Variants in NTF3 observed in about 807,000 individuals in gnomAD.
The protein encoded by NTF3 is neurotrophin-3.
Under a neutral mutation model 26.3 loss-of-function variants are expected in NTF3, and 8 were observed. That is an observed-to-expected ratio of 0.30 (90% CI 0.18 to 0.55). The LOEUF is 0.55. NTF3 is among the 20% of genes least tolerant of loss of function. The probability of loss-of-function intolerance (pLI) is 0.93; values close to 1 mark genes in which losing one functional copy is unlikely to be tolerated. For synonymous variants in NTF3, 154 were observed against 145.5 expected (o/e 1.06, Z -0.42); for missense variants, 276 against 352.9 (o/e 0.78, Z 1.75).
chr12:5,443,634 C>A (rs956638907), intron 1 of NTF3, among the ~76,000 whole-genome samples: 1 of 152,142 alleles, frequency 6.6e-6, no homozygotes, highest in Non-Finnish European at 1.5e-5. Context: ...ATCTAAGATT[C>A]CTTCACATTA....
intron 1 of NTF3, among the ~76,000 whole-genome samples, chr12:5,437,152 T>G (rs1170096684): frequency 1.3e-5 from 2 of 152,180 alleles, no homozygotes; most frequent in Admixed American, 6.5e-5. Flanking sequence ...GGAAACACAC[T>G]GAAACCTCCG....
upstream of NTF3, among the ~76,000 whole-genome samples, chr12:5,431,320 A>G (rs1202810091): frequency 2.0e-5 from 3 of 152,022 alleles, no homozygotes; most frequent in South Asian, 2.1e-4. Context: ...AAGTTGGAGG[A>G]TGGGTGAAAT....
At chr12:5,472,577 G>A (rs1247570858) in intron 1 of NTF3, among the ~76,000 whole-genome samples, 1 of 152,158 alleles carries the variant, frequency 6.6e-6, no homozygotes, top group Non-Finnish European at 1.5e-5. Flanking sequence ...CTGGGTCAGA[G>A]CTTCTGTTAC....
chr12:5,471,860 A>G (rs1412812679), intron 1 of NTF3, among the ~76,000 whole-genome samples: 3 of 152,022 alleles, frequency 2.0e-5, no homozygotes, highest in Admixed American at 1.3e-4. Flanking sequence ...TTGGTGGGTG[A>G]TAAAAGGGCT....
In NTF3 at chr12:5,433,626, G is replaced by A. The variant is rs562336982; in HGVS notation, c.18+1284G>A. On this transcript the variant is annotated intron_variant, in intron 1 of 1. Transcript: ENST00000423158. The surrounding 1 kb of genome is among the most constrained non-coding windows in gnomAD (Gnocchi z 4.6). ...GACCCTTGCGTCCGACGGTGTCGGGGCTGTGGACTAGAAAGGATCCCTTTT... is the reference window on the plus strand; with the variant it reads ...GACCCTTGCGTCCGACGGTGTCGGGACTGTGGACTAGAAAGGATCCCTTTT... 7.2e-5 allele frequency among the ~76,000 whole-genome samples: 11 copies of A among 152,270 alleles called. No individual in the cohort carries two copies. Among genetic ancestry groups the A allele is most frequent in the African/African-American group, 2.4e-4 (10 of 41,562 alleles).
intron 1 of NTF3, among the ~76,000 whole-genome samples, chr12:5,468,175 T>C (rs1042976811): frequency 6.6e-6 from 1 of 152,208 alleles, no homozygotes; most frequent in African/African-American, 2.4e-5. Context: ...GTCCTCCACC[T>C]CCTCAGGCTG....
At chr12:5,482,647 G>T (rs1940820981) in intron 1 of NTF3, among the ~76,000 whole-genome samples, 1 of 151,242 alleles carries the variant, frequency 6.6e-6, no homozygotes, top group South Asian at 2.1e-4. Flanking sequence ...CAGTGTCTTG[G>T]GCTCAACTGA....
At chr12:5,446,289 T>C (rs1471242058) in intron 1 of NTF3, among the ~76,000 whole-genome samples, 1 of 152,224 alleles carries the variant, frequency 6.6e-6, no homozygotes, top group Admixed American at 6.5e-5. Flanking sequence ...GCATTCATAA[T>C]GCAAAGTGGT....
At chr12:5,478,468 G>A (rs1195506330) in intron 1 of NTF3, among the ~76,000 whole-genome samples, 2 of 141,272 alleles carry the variant, frequency 1.4e-5, no homozygotes, top group Admixed American at 6.9e-5. Context: ...GACTACAGTC[G>A]GCAGGGATCC....
chr12:5,469,212 G>A (rs1227868259), intron 1 of NTF3, among the ~76,000 whole-genome samples: 3 of 152,166 alleles, frequency 2.0e-5, no homozygotes, highest in African/African-American at 7.2e-5. Context: ...GCCAGAGCTG[G>A]GCACTTAAGA....
intron 1 of NTF3, among the ~76,000 whole-genome samples, chr12:5,493,080 C>T (rs931431664): frequency 1.3e-5 from 2 of 152,108 alleles, no homozygotes; most frequent in African/African-American, 2.4e-5. Context: ...TGGACGAATT[C>T]GGGGATCACT....
chr12:5,480,992 A>G (rs762954570), intron 1 of NTF3, among the ~76,000 whole-genome samples: 6 of 152,050 alleles, frequency 3.9e-5, no homozygotes, highest in Non-Finnish European at 7.4e-5. Flanking sequence ...CAGGAAGGCC[A>G]CTGGAGCCCT....
chr12:5,484,190 G>C (rs565816776), intron 1 of NTF3, among the ~76,000 whole-genome samples: 1 of 152,300 alleles, frequency 6.6e-6, no homozygotes, highest in Non-Finnish European at 1.5e-5. Flanking sequence ...TCCAGCTCTT[G>C]TACTGATGGA....
intron 1 of NTF3, among the ~76,000 whole-genome samples, chr12:5,471,390 T>C (rs934150368): frequency 2.6e-5 from 4 of 152,076 alleles, no homozygotes; most frequent in South Asian, 2.1e-4. Flanking sequence ...ATGTACAAAA[T>C]AATCTTAAAG....
rs186194092 is a variant in NTF3 at position 5,447,650 on chromosome 12, G to T, written c.18+15308G>T. On this transcript the variant is annotated intron_variant, in intron 1 of 1. Coordinates refer to ENST00000423158, the MANE Select transcript of NTF3 (RefSeq NM_001102654.2). The stretch of plus-strand genomic sequence containing the variant: ...GAGATGATGCATAGGATCGTGCTTG[G>T]CAAGCTGTAAATCTGTAAATTACAA... 3.9e-4 allele frequency among the ~76,000 whole-genome samples: 60 copies of T among 152,338 alleles called. 1 individual carries two copies. The highest frequency in any genetic ancestry group is 3.9e-3 in the Admixed American group (59 of 15,302).
chr12:5,465,434 A>G (rs1452773230), intron 1 of NTF3, among the ~76,000 whole-genome samples: 1 of 152,254 alleles, frequency 6.6e-6, no homozygotes, highest in Non-Finnish European at 1.5e-5. Context: ...ATTCACGTGT[A>G]GCAGAGAGAA....
chr12:5,477,739 T>C (rs1172640054), intron 1 of NTF3, among the ~76,000 whole-genome samples: 1 of 152,200 alleles, frequency 6.6e-6, no homozygotes, highest in Admixed American at 6.5e-5. Flanking sequence ...CTTCCCTCCA[T>C]TTCCTTCTTT....
chr12:5,484,239 T>C (rs554784091), intron 1 of NTF3, among the ~76,000 whole-genome samples: 4 of 152,306 alleles, frequency 2.6e-5, no homozygotes, highest in African/African-American at 9.6e-5. Flanking sequence ...CCCATAACCT[T>C]TCCATTGTAC....
intron 1 of NTF3, among the ~76,000 whole-genome samples, chr12:5,473,183 T>G (rs978138654): frequency 1.3e-5 from 2 of 152,202 alleles, no homozygotes; most frequent in African/African-American, 4.8e-5. Flanking sequence ...CTCATTGGCT[T>G]TTGCCTGCCC....
Sources: gnomAD v4.1 joint callset for allele counts (sites outside exome capture counted in the v4.1 genomes callset) on GRCh38, gnomAD v4.1.1 for gene constraint, Gnocchi (gnomAD v3.1) non-coding constraint, MANE v1.5 for transcripts, NCBI Gene and HGNC (gene_info 2026-07-23, HGNC 2026-07-21) for gene names.